ADAMTSL1: variants seen among roughly 807,000 people sequenced by gnomAD.
ADAMTSL1 encodes ADAMTS-like protein 1.
ADAMTSL1 carries 126 observed loss-of-function variants against 201.8 expected under a neutral mutation model. The ratio of observed to expected loss-of-function variants is 0.62; its 90% confidence interval spans 0.54 to 0.72. ADAMTSL1 has a LOEUF of 0.72. Among genes scored for constraint, ADAMTSL1 ranks in the 30% least tolerant of loss-of-function variants. ADAMTSL1 has a pLI of 0.00. For synonymous variants in ADAMTSL1, 1,121 were observed against 903.4 expected, an observed-to-expected ratio of 1.24 and a Z score of -4.32; for missense variants, 2,679 against 2,277.8, an observed-to-expected ratio of 1.18 and a Z score of -3.59.
chr9:18,158,712 G>A (rs1335443886), intron 1 of ADAMTSL1, among the ~76,000 whole-genome samples: 1 of 151,782 alleles, frequency 6.6e-6, no homozygotes, highest in Non-Finnish European at 1.5e-5. Flanking sequence ...ATTTCATTTG[G>A]GAGTATGCCC....
chr9:18,649,447 G>T lies in ADAMTSL1; in HGVS notation c.835-8192G>T, dbSNP rs1295820925. Among the ~76,000 whole-genome samples the T allele has an allele frequency of 2.6e-5, 4 of 152,292 alleles. No homozygotes were observed. The South Asian group carries it at 6.2e-4, about 24-fold the overall frequency. On this transcript the variant is annotated intron_variant, in intron 7 of 28. Coordinates refer to ENST00000380548, the MANE Select transcript of ADAMTSL1 (RefSeq NM_001040272.6). ...TGCTGGTGAGGAGCTGCATTCCTTT[G>T]GATGAGGAGAGGTGCTCTGATTTTT...
At chr9:18,342,032 G>A (rs1835485432) in intron 2 of ADAMTSL1, among the ~76,000 whole-genome samples, 1 of 152,056 alleles carries the variant, frequency 6.6e-6, no homozygotes, top group Non-Finnish European at 1.5e-5. Context: ...TTGTATGGAG[G>A]ATTTATTATA....
At chr9:18,207,770 C>T (rs543843328) in intron 2 of ADAMTSL1, among the ~76,000 whole-genome samples, 36 of 151,464 alleles carry the variant, frequency 2.4e-4, no homozygotes, top group Non-Finnish European at 4.7e-4. Flanking sequence ...TTTGTATAAG[C>T]GGGTCTCAGG....
At chr9:18,367,549 A>G (rs1288354988) in intron 2 of ADAMTSL1, among the ~76,000 whole-genome samples, 1 of 152,054 alleles carries the variant, frequency 6.6e-6, no homozygotes, top group Non-Finnish European at 1.5e-5. Flanking sequence ...AGACACTGAT[A>G]ATAGAAATAA....
chr9:18,531,755 A>C (rs1296637269), intron 2 of ADAMTSL1, among the ~76,000 whole-genome samples: 1 of 152,176 alleles, frequency 6.6e-6, no homozygotes, highest in Admixed American at 6.5e-5. Context: ...CTTCACAGTA[A>C]TTTCATTGCC....
intron 2 of ADAMTSL1, among the ~76,000 whole-genome samples, chr9:18,216,978 T>G (rs1830078740): frequency 1.3e-5 from 2 of 151,964 alleles, no homozygotes; most frequent in South Asian, 4.1e-4. Flanking sequence ...TCCCCTCCAT[T>G]AGATTGTTGG....
At chr9:18,192,573 G>C (rs1300742809) in intron 2 of ADAMTSL1, among the ~76,000 whole-genome samples, 1 of 152,108 alleles carries the variant, frequency 6.6e-6, no homozygotes, top group Non-Finnish European at 1.5e-5. Flanking sequence ...GGAAGCTACA[G>C]TATTCTCCAG....
chr9:18,222,764 C>T (rs1158107343), intron 2 of ADAMTSL1, among the ~76,000 whole-genome samples: 1 of 151,328 alleles, frequency 6.6e-6, no homozygotes, highest in East Asian at 1.9e-4. Context: ...AAACTCTTAC[C>T]ATAATTGTTT....
intron 1 of ADAMTSL1, among the ~76,000 whole-genome samples, chr9:17,965,272 C>T (rs140585600): frequency 8.4e-4 from 127 of 152,038 alleles, no homozygotes; most frequent in African/African-American, 2.7e-3. Context: ...AGAATAAAAG[C>T]AAAACAACTT....
chr9:18,775,094 T>C (rs544970710), intron 17 of ADAMTSL1, among the ~76,000 whole-genome samples: 55 of 152,306 alleles, frequency 3.6e-4, no homozygotes, highest in African/African-American at 1.3e-3. Flanking sequence ...GGATATGAAG[T>C]TGTATCTCAT....
At chr9:18,012,507 G>A (rs1820092153) in intron 1 of ADAMTSL1, among the ~76,000 whole-genome samples, 1 of 152,030 alleles carries the variant, frequency 6.6e-6, no homozygotes. Flanking sequence ...CCATTTTCCG[G>A]GGCTGGGCTT....
At chr9:18,602,959 A>G (rs1344603829) in intron 4 of ADAMTSL1, among the ~76,000 whole-genome samples, 1 of 152,206 alleles carries the variant, frequency 6.6e-6, no homozygotes, top group Non-Finnish European at 1.5e-5. Context: ...CCTTAGATCA[A>G]TAGGCAACTT....
At chr9:18,438,946 G>A (rs947962108) in intron 2 of ADAMTSL1, among the ~76,000 whole-genome samples, 18 of 150,582 alleles carry the variant, frequency 1.2e-4, no homozygotes, top group Non-Finnish European at 2.1e-4. Flanking sequence ...TCCCCCACCC[G>A]CATTTATGCA....
chr9:18,250,428 G>C (rs1405087521), intron 2 of ADAMTSL1, among the ~76,000 whole-genome samples: 2 of 152,210 alleles, frequency 1.3e-5, no homozygotes, highest in Admixed American at 1.3e-4. Flanking sequence ...GAGATCAATG[G>C]GGAATAAAGA....
intron 2 of ADAMTSL1, among the ~76,000 whole-genome samples, chr9:18,448,529 G>A (rs900637473): frequency 1.3e-5 from 2 of 152,100 alleles, no homozygotes; most frequent in East Asian, 1.9e-4. Flanking sequence ...TTGTAAGTTG[G>A]CATTTAAAAT....
chr9:18,004,321 A>G (rs2063030473), intron 1 of ADAMTSL1, among the ~76,000 whole-genome samples: 1 of 151,982 alleles, frequency 6.6e-6, no homozygotes, highest in African/African-American at 2.4e-5. Flanking sequence ...CAGGGAGGGA[A>G]GGGGCTTTAT....
At position 18,602,919 on chromosome 9, in the gene ADAMTSL1, A is replaced by G. The variant is rs142194640; in HGVS notation, c.475-19324A>G. ...GGTGAGTTTTCTCTGAATTTTTGAT[A>G]CTTACTTTCTAAATACTCCCATTTT... On this transcript the variant is annotated intron_variant, in intron 4 of 28. Coordinates refer to ENST00000380548, the MANE Select transcript of ADAMTSL1 (RefSeq NM_001040272.6). Among the ~76,000 whole-genome samples, 26 of 152,284 alleles carry G rather than the reference A, an allele frequency of 1.7e-4. No individual in the cohort carries two copies. In the East Asian group the frequency reaches 4.6e-3, roughly 27 times the overall value.
intron 2 of ADAMTSL1, among the ~76,000 whole-genome samples, chr9:18,389,933 C>G (rs906644378): frequency 1.3e-5 from 2 of 151,990 alleles, no homozygotes; most frequent in East Asian, 3.9e-4. Flanking sequence ...TAAGTCTCAT[C>G]TTATGTATTC....
chr9:18,505,735 C>A (rs916811135), intron 2 of ADAMTSL1, among the ~76,000 whole-genome samples: 1 of 152,098 alleles, frequency 6.6e-6, no homozygotes, highest in African/African-American at 2.4e-5. Context: ...TTATGTATAG[C>A]AAGTAGGAGG....
Sources: gnomAD v4.1 joint callset for allele counts (sites outside exome capture counted in the v4.1 genomes callset) on GRCh38, gnomAD v4.1.1 for gene constraint, MANE v1.5 for transcripts, NCBI Gene and HGNC (gene_info 2026-07-23, HGNC 2026-07-21) for gene names.